The following RHOF variants were observed in gnomAD, a reference collection of about 807,000 sequenced individuals.
RHOF encodes ras homolog family member F, filopodia associated.
Under a neutral mutation model 22.2 loss-of-function variants are expected in RHOF, and 21 were observed. The ratio of observed to expected loss-of-function variants is 0.95; its 90% CI spans 0.67 to 1.36. The LOEUF is 1.36. Among genes scored for constraint, RHOF ranks in the 40% most tolerant of loss-of-function variants. The pLI, the probability that RHOF is intolerant of heterozygous loss-of-function variation, is 0.00. For missense variants in RHOF, 285 were observed against 293.7 expected (o/e 0.97, Z 0.22); for synonymous variants, 135 against 131.2 (o/e 1.03, Z -0.20).
intron 2 of RHOF, among the ~76,000 whole-genome samples, chr12:121,788,164 C>T (rs571415529): frequency 2.0e-5 from 3 of 152,228 alleles, no homozygotes; most frequent in East Asian, 1.9e-4. Context: ...GGCTGAGAAA[C>T]GGAAGCACAG....
chr12:121,788,888 G>A (rs1167855484), intron 2 of RHOF, among the ~76,000 whole-genome samples: 1 of 152,136 alleles, frequency 6.6e-6, no homozygotes, highest in Non-Finnish European at 1.5e-5. Context: ...GCCTGGCATG[G>A]TGGGTGGTCA....
Position 121,781,096 on chromosome 12 carries a change from T to C in RHOF, c.323A>G (p.Asn108Ser). The part of the protein sequence containing the change: ...YDVMNPTSYD[N>S]VLIKWFPEVT... ...GGCCGGCCTCACCTTGATGAGGACGTTGTCGTAGCTGGTGGGATTCATGAC... is the reference window on the plus strand; with the variant it reads ...GGCCGGCCTCACCTTGATGAGGACGCTGTCGTAGCTGGTGGGATTCATGAC... Residue 108 changes from asparagine (N) to serine (S), a missense_variant, in exon 3 of 5, where the codon AAC becomes AGC. By Grantham distance (46) the Asn-to-Ser change is conservative. Transcript: ENST00000267205. 6.2e-7 allele frequency: 1 copy of C among 1,614,162 alleles called. No homozygotes were observed. Among genetic ancestry groups the C allele is most frequent in the Non-Finnish European group, 8.5e-7 (1 of 1,180,000 alleles).
At chr12:121,784,090 C>T (rs774165005) in intron 2 of RHOF, among the ~76,000 whole-genome samples, 4 of 152,172 alleles carry the variant, frequency 2.6e-5, no homozygotes, top group Admixed American at 6.5e-5. Context: ...TCCCTCATTT[C>T]TCTTTTCACC....
chr12:121,793,437 T>C (rs1874818945), intron 1 of RHOF, 59 bp downstream of exon 1: 6 of 1,529,840 alleles, frequency 3.9e-6, no homozygotes, highest in Non-Finnish European at 5.3e-6. Context: ...GGGTCGGGGC[T>C]CTGGGCTCAG....
intron 2 of RHOF, among the ~76,000 whole-genome samples, chr12:121,788,188 C>T (rs949047607): frequency 3.3e-5 from 5 of 152,198 alleles, no homozygotes; most frequent in African/African-American, 1.2e-4. Flanking sequence ...GCTGGAGTGA[C>T]TTGCCCCAGG....
intron 1 of RHOF, 51 bp downstream of exon 1, chr12:121,793,445 C>T: frequency 3.3e-6 from 5 of 1,533,806 alleles, no homozygotes; most frequent in Non-Finnish European, 3.5e-6. Context: ...GCTCTGGGCT[C>T]AGGGTAAGGG....
chr12:121,787,755 A>AGC (rs1050989488), intron 2 of RHOF, among the ~76,000 whole-genome samples: 1 of 151,856 alleles, frequency 6.6e-6, no homozygotes, highest in African/African-American at 2.4e-5. Context: ...TACAAAAATT[A>AGC]GCCGGATGTG....
rs772233201 is a variant in RHOF at position 121,779,485 on chromosome 12, T to G, written c.*13A>C. ...GCCCTGTCAGTGCTGTCGTGAGGTC[T>G]GTCTGCCCTGGGTCAGAGCAGCAGG... On this transcript the variant is annotated 3_prime_UTR_variant, in exon 5 of 5. Coordinates refer to ENST00000267205, the MANE Select transcript of RHOF (RefSeq NM_019034.3). 2 of 1,609,880 alleles carry G rather than the reference T, an allele frequency of 1.2e-6. No homozygotes were observed. Among genetic ancestry groups the G allele is most frequent in the Non-Finnish European group, 1.7e-6 (2 of 1,179,804 alleles).
At chr12:121,780,447 C>T (rs1874407737) in intron 4 of RHOF, 1 of 290,026 alleles carries the variant, frequency 3.4e-6, no homozygotes, top group South Asian at 1.1e-4. Flanking sequence ...ATGCCTCACC[C>T]AAAGAGTTGC....
intron 4 of RHOF, 146 bp downstream of exon 4, chr12:121,780,726 A>G (rs1592955088): frequency 7.5e-6 from 7 of 932,072 alleles, no homozygotes; most frequent in Non-Finnish European, 1.1e-5. Context: ...TCCACAGGCC[A>G]TCAATACTAA....
chr12:121,793,093 G>A, intron 2 of RHOF, 59 bp downstream of exon 2: 2 of 1,428,760 alleles, frequency 1.4e-6, no homozygotes, highest in East Asian at 2.5e-5. Flanking sequence ...GGACGCCCGG[G>A]AGGGGAAACC....
At chr12:121,790,034 G>T (rs745326039) in intron 2 of RHOF, among the ~76,000 whole-genome samples, 1 of 152,220 alleles carries the variant, frequency 6.6e-6, no homozygotes, top group African/African-American at 2.4e-5. Flanking sequence ...CGGTGAGGCC[G>T]ACAGAGCAGT....
At chr12:121,788,137 G>C (rs1874660862) in intron 2 of RHOF, among the ~76,000 whole-genome samples, 1 of 152,134 alleles carries the variant, frequency 6.6e-6, no homozygotes, top group African/African-American at 2.4e-5. Context: ...AGACACTATT[G>C]TTGGCCCCAT....
chr12:121,793,443 C>T (rs1463209768), intron 1 of RHOF, 53 bp downstream of exon 1: 2 of 1,533,504 alleles, frequency 1.3e-6, no homozygotes, highest in South Asian at 2.4e-5. Context: ...GGGCTCTGGG[C>T]TCAGGGTAAG....
intron 2 of RHOF, among the ~76,000 whole-genome samples, chr12:121,785,660 GAGTGC>G (rs1874588656): frequency 6.6e-6 from 1 of 151,914 alleles, no homozygotes; most frequent in Non-Finnish European, 1.5e-5. Context: ...ACCCAGGCTG[GAGTGC>G]AGTGGTGCGA....
intron 2 of RHOF, chr12:121,781,420 G>T: frequency 2.0e-6 from 1 of 505,218 alleles, no homozygotes; most frequent in Non-Finnish European, 3.6e-6. Context: ...ACAGTGAGCC[G>T]TGATCATGCC....
intron 2 of RHOF, among the ~76,000 whole-genome samples, chr12:121,787,537 G>T (rs1284849825): frequency 6.6e-6 from 1 of 152,218 alleles, no homozygotes; most frequent in Non-Finnish European, 1.5e-5. Context: ...ATGGAGATGT[G>T]AAAAGTGAGC....
At position 121,780,953 on chromosome 12, in the gene RHOF, G is replaced by C; in HGVS notation, c.390C>G (p.Gly130=). 1 of 1,614,150 alleles carries C rather than the reference G, an allele frequency of 6.2e-7. No individual in the cohort carries two copies. The highest frequency in any genetic ancestry group is 8.5e-7 in the Non-Finnish European group (1 of 1,180,004). The part of the protein sequence containing the change: ...FCRGIPMVLI[G]CKTDLRKDKE... Reference sequence around the variant, plus strand: ...TGTCCTTCCTCAGGTCTGTCTTGCAGCCGATGAGCACCATGGGGATCCCGC... The same window carrying C: ...TGTCCTTCCTCAGGTCTGTCTTGCACCCGATGAGCACCATGGGGATCCCGC... Residue 130 remains glycine (G), a synonymous_variant, in exon 4 of 5, where the codon GGC becomes GGG. Transcript: ENST00000267205.
chr12:121,784,517 C>T (rs1305400387), intron 2 of RHOF, among the ~76,000 whole-genome samples: 1 of 150,486 alleles, frequency 6.6e-6, no homozygotes, highest in Non-Finnish European at 1.5e-5. Flanking sequence ...TGCACTCTAG[C>T]CTGGGTGACA....
Sources: allele counts gnomAD v4.1 joint callset (sites outside exome capture counted in the v4.1 genomes callset), GRCh38; gene constraint gnomAD v4.1.1; transcripts MANE v1.5; gene names NCBI Gene and HGNC (gene_info 2026-07-23, HGNC 2026-07-21).